Variants in TMED3 observed in about 807,000 individuals in gnomAD.
TMED3 encodes the protein transmembrane emp24 domain-containing protein 3.
TMED3 carries 9 observed loss-of-function variants against 15.0 expected under a neutral mutation model. The ratio of observed to expected loss-of-function variants is 0.60; its 90% CI spans 0.36 to 1.04. TMED3 has a LOEUF of 1.04. Among genes scored for constraint, TMED3 ranks in the 50% least tolerant of loss-of-function variants. TMED3 has a pLI of 0.01. For synonymous variants in TMED3, 117 were observed against 121.4 expected, an observed-to-expected ratio of 0.96 and a Z score of 0.24; for missense variants, 267 against 278.9, an observed-to-expected ratio of 0.96 and a Z score of 0.30.
chr15:79,324,257 C>T (rs546236349), downstream of TMED3, among the ~76,000 whole-genome samples: 273 of 152,354 alleles, frequency 1.8e-3, 1 homozygote, highest in African/African-American at 6.4e-3. Flanking sequence ...TCCCAAAGTG[C>T]TGGGATTACA....
intron 2 of TMED3, among the ~76,000 whole-genome samples, chr15:79,374,146 A>G (rs1893388960): frequency 6.6e-6 from 1 of 152,202 alleles, no homozygotes; most frequent in Admixed American, 6.5e-5. Flanking sequence ...TTGCAGGGCT[A>G]TTTCAAAATA....
chr15:79,399,307 TA>T (rs1893803918), intron 2 of TMED3, among the ~76,000 whole-genome samples: 1 of 152,076 alleles, frequency 6.6e-6, no homozygotes, highest in Non-Finnish European at 1.5e-5. Context: ...AGTGGACATG[TA>T]TAATTAACCA....
chr15:79,385,131 G>T (rs980967336), intron 2 of TMED3, among the ~76,000 whole-genome samples: 1 of 152,192 alleles, frequency 6.6e-6, no homozygotes, highest in Non-Finnish European at 1.5e-5. Flanking sequence ...ACGGATCTTT[G>T]CAACCTGTGG....
chr15:79,402,790 A>C (rs1240247638), intron 2 of TMED3, among the ~76,000 whole-genome samples: 3 of 151,884 alleles, frequency 2.0e-5, no homozygotes, highest in Non-Finnish European at 2.9e-5. Flanking sequence ...TGTCTCAAAT[A>C]AAAATAAAAA....
At chr15:79,312,764 A>C (rs529816185) in intron 1 of TMED3, among the ~76,000 whole-genome samples, 1 of 152,184 alleles carries the variant, frequency 6.6e-6, no homozygotes, top group African/African-American at 2.4e-5. Flanking sequence ...ACTTCGATCA[A>C]TATTTTTCTT....
chr15:79,409,791 G>A (rs1319841898), intron 2 of TMED3, among the ~76,000 whole-genome samples: 1 of 152,164 alleles, frequency 6.6e-6, no homozygotes, highest in Admixed American at 6.5e-5. Context: ...TTTGTTAATA[G>A]TGAAGAGGCC....
chr15:79,367,785 A>G (rs1455155726), intron 2 of TMED3, among the ~76,000 whole-genome samples: 1 of 152,236 alleles, frequency 6.6e-6, no homozygotes, highest in Non-Finnish European at 1.5e-5. Flanking sequence ...GAAATTGCAC[A>G]TTGGTTTTGC....
intron 2 of TMED3, among the ~76,000 whole-genome samples, chr15:79,332,202 A>T (rs573355838): frequency 6.6e-6 from 1 of 152,378 alleles, no homozygotes; most frequent in Admixed American, 6.5e-5. Flanking sequence ...TTACATACTG[A>T]TGTTAAAGGA....
At chr15:79,386,672 G>A (rs972486039) in intron 2 of TMED3, among the ~76,000 whole-genome samples, 2 of 150,702 alleles carry the variant, frequency 1.3e-5, no homozygotes, top group African/African-American at 4.9e-5. Context: ...CCGAGTAGCT[G>A]GGATTACAGG....
intron 2 of TMED3, among the ~76,000 whole-genome samples, chr15:79,394,137 G>T (rs1482499558): frequency 6.6e-6 from 1 of 151,972 alleles, no homozygotes; most frequent in Non-Finnish European, 1.5e-5. Context: ...CTGCATAGTT[G>T]GGGAGTAGGG....
chr15:79,403,839 C>T (rs1893866688), intron 2 of TMED3, among the ~76,000 whole-genome samples: 1 of 152,122 alleles, frequency 6.6e-6, no homozygotes, highest in Non-Finnish European at 1.5e-5. Context: ...GTGAGCGAGA[C>T]CACTGCTACT....
chr15:79,356,593 GGT>G (rs1175722380), intron 2 of TMED3, among the ~76,000 whole-genome samples: 12 of 152,282 alleles, frequency 7.9e-5, no homozygotes, highest in Middle Eastern at 3.4e-3. Flanking sequence ...TCTCTCAGAT[GGT>G]GATGAGTGCA....
At chr15:79,360,117 G>A (rs1893095932) in intron 2 of TMED3, among the ~76,000 whole-genome samples, 1 of 152,202 alleles carries the variant, frequency 6.6e-6, no homozygotes, top group African/African-American at 2.4e-5. Context: ...GGCACAGCGG[G>A]TCAGTGAGAG....
intron 2 of TMED3, among the ~76,000 whole-genome samples, chr15:79,318,042 A>G (rs1028948295): frequency 2.6e-5 from 4 of 151,946 alleles, no homozygotes; most frequent in African/African-American, 9.7e-5. Context: ...CATCCCCATC[A>G]CCATGTCAGT....
chr15:79,407,130 C>T (rs1176746484), intron 2 of TMED3, among the ~76,000 whole-genome samples: 2 of 152,228 alleles, frequency 1.3e-5, no homozygotes, highest in African/African-American at 2.4e-5. Flanking sequence ...GCTCTCCTGA[C>T]TCTTCCTCTA....
At chr15:79,346,136 G>A (rs1178943446) in intron 2 of TMED3, among the ~76,000 whole-genome samples, 2 of 152,156 alleles carry the variant, frequency 1.3e-5, no homozygotes, top group Non-Finnish European at 2.9e-5. Context: ...CCTCTGCTGT[G>A]CAGAAGCTCT....
At chr15:79,355,218 TC>T (rs2058914132) in intron 2 of TMED3, among the ~76,000 whole-genome samples, 1 of 152,054 alleles carries the variant, frequency 6.6e-6, no homozygotes, top group Non-Finnish European at 1.5e-5. Context: ...AGCTGTGACA[TC>T]CAAAAAGCCC....
chr15:79,352,039 T>C (rs1307896010), intron 2 of TMED3, among the ~76,000 whole-genome samples: 1 of 144,458 alleles, frequency 6.9e-6, no homozygotes, highest in East Asian at 2.1e-4. Flanking sequence ...GGCATAAGAA[T>C]GATACAATGG....
At chr15:79,413,010 T>G (rs886617764) in exon 3 of TMED3, 1 of 150,598 alleles carries the variant, frequency 6.6e-6, no homozygotes, top group African/African-American at 2.5e-5. Flanking sequence ...GAACTCATCT[T>G]ATAACACAAG....
Sources: gnomAD v4.1 joint callset for allele counts (sites outside exome capture counted in the v4.1 genomes callset) on GRCh38, gnomAD v4.1.1 for gene constraint, MANE v1.5 for transcripts, NCBI Gene and HGNC (gene_info 2026-07-23, HGNC 2026-07-21) for gene names.